The following THEMIS2 variants were observed in gnomAD, a reference collection of about 807,000 sequenced individuals.
THEMIS2 encodes the protein protein THEMIS2.
A neutral mutation model predicts 46.8 loss-of-function variants in THEMIS2; 29 were observed. That is an observed-to-expected ratio of 0.62 (90% CI 0.46 to 0.84). The LOEUF is 0.84. THEMIS2 is among the 40% of genes least tolerant of loss of function. The probability of loss-of-function intolerance (pLI) is 0.00; values close to 1 mark genes in which losing one functional copy is unlikely to be tolerated. For synonymous variants in THEMIS2, 335 were observed against 349.1 expected (o/e 0.96, Z 0.45); for missense variants, 698 against 834.7 (o/e 0.84, Z 2.02).
intron 2 of THEMIS2, among the ~76,000 whole-genome samples, chr1:27,878,123 A>C (rs1421562124): frequency 3.8e-5 from 2 of 53,152 alleles, no homozygotes; most frequent in Admixed American, 3.2e-4. Context: ...TCTGTCTCTC[A>C]AAAAAAAAAA....
rs2089717292 is a variant in THEMIS2, at chr1:27,883,290, A to G, written c.1719+247A>G. 5.3e-5 allele frequency: 28 copies of G among 530,448 alleles called. 1 individual carries two copies. The South Asian group carries it at 6.7e-4, about 13-fold the overall frequency. 32.9% of individuals were successfully genotyped at this position (530,448 alleles called of 1,614,324 possible). A position where few individuals can be genotyped will look rare whatever the true frequency, so the allele number is the denominator to read the frequency against. On this transcript the variant is annotated intron_variant, in intron 4 of 5. Transcript: ENST00000373921. ...GACTTGCCCAGGGTCCCTGTTAATA[A>G]GTGGGAGGACTGAACTTGGCCATGG...
chr1:27,884,574 C>T (rs2089737184), intron 4 of THEMIS2: 2 of 152,294 alleles, frequency 1.3e-5, no homozygotes, highest in South Asian at 2.1e-4. Context: ...GACCTTAGCC[C>T]GTGTCTTGGC....
At position 27,882,132 on chromosome 1, in the gene THEMIS2, G is replaced by C; in HGVS notation, c.808G>C (p.Glu270Gln). ...GTCCATGGAGATCCTGGAGGTTCCT[G>C]AGGGCCGCCCCATCTTCCTCAGCCC... ...PLSMEILEVP[E>Q]GRPIFLSPWV... Residue 270 changes from glutamate to glutamine, a missense_variant, in exon 4 of 6, where the codon GAG becomes CAG. By Grantham distance (29) the Glu-to-Gln change is conservative (BLOSUM62 2). Transcript: ENST00000373921. The surrounding 1 kb of genome is among the most constrained non-coding windows in gnomAD (Gnocchi z 7.6). 1 of 1,614,222 alleles carries C rather than the reference G, an allele frequency of 6.2e-7. No individual in the cohort carries two copies. The highest frequency in any genetic ancestry group is 1.1e-5 in the South Asian group (1 of 91,088).
chr1:27,885,175 C>T, intron 4 of THEMIS2, 120 bp from the exon 5 acceptor site: 12 of 1,073,100 alleles, frequency 1.1e-5, no homozygotes, highest in Non-Finnish European at 1.5e-5. Flanking sequence ...GAGGTCATAG[C>T]CTGAAAAGGA....
intron 1 of THEMIS2, among the ~76,000 whole-genome samples, chr1:27,875,099 C>G (rs558814610): frequency 2.6e-5 from 4 of 152,230 alleles, no homozygotes; most frequent in Admixed American, 2.0e-4. Context: ...CTGCCTCAGC[C>G]TCCTGAGTAG....
chr1:27,881,833 A>G, intron 3 of THEMIS2, 138 bp from the exon 4 acceptor site: 1 of 655,910 alleles, frequency 1.5e-6, no homozygotes, highest in South Asian at 2.2e-5. Context: ...CTCGAGTGAA[A>G]CTCCATCTCA....
At position 27,882,707 on chromosome 1, in the gene THEMIS2, C is replaced by T. The variant is rs376827259; in HGVS notation, c.1383C>T (p.Asp461=). 1 of 1,613,916 alleles carries T rather than the reference C, an allele frequency of 6.2e-7. No homozygotes were observed. Among genetic ancestry groups the T allele is most frequent in the African/African-American group, 1.3e-5 (1 of 74,858 alleles). The change falls in exon 4 of 6, where the codon GAC becomes GAT. Residue 461 remains aspartate (D), a synonymous_variant. Transcript: ENST00000373921. The surrounding 1 kb of genome is among the most constrained non-coding windows in gnomAD (Gnocchi z 7.6). ...LPCEVKVVAK[D]TSHPTDPLTS... The stretch of plus-strand genomic sequence containing the variant: ...GTGAGGTCAAGGTGGTGGCCAAGGA[C>T]ACCAGCCACCCCACTGACCCTCTGA...
In THEMIS2 at chr1:27,882,275, AG is replaced by A; in HGVS notation, c.956del (p.Gly319AlafsTer20). The A allele has an allele frequency of 6.2e-7, 1 of 1,607,340 alleles. No individual in the cohort carries two copies. The highest frequency in any genetic ancestry group is 8.5e-7 in the Non-Finnish European group (1 of 1,175,878). On this transcript the variant is annotated frameshift_variant, in exon 4 of 6. Coordinates refer to ENST00000373921, the MANE Select transcript of THEMIS2 (RefSeq NM_001105556.3). LOFTEE classifies it high-confidence loss of function. The surrounding 1 kb of genome is among the most constrained non-coding windows in gnomAD (Gnocchi z 7.6). Reference sequence around the variant, plus strand: ...AGGTGCCCAGGCACTTCCTGGTGTCAGGGGGCTACCAAGGCAAGCTGCGGCG... The same window carrying A: ...AGGTGCCCAGGCACTTCCTGGTGTCAGGGGCTACCAAGGCAAGCTGCGGCG... ...RKVPRHFLVS[G>X]GYQGKLRRRP... is the part of the protein sequence containing the mutation.
chr1:27,881,847 A>G (rs2089683712), intron 3 of THEMIS2, 124 bp from the exon 4 acceptor site: 9 of 739,402 alleles, frequency 1.2e-5, no homozygotes, highest in East Asian at 2.8e-5. Flanking sequence ...CATCTCAAAA[A>G]AAAAAAAAGA....
chr1:27,874,319 G>A (rs1018727221), intron 1 of THEMIS2, among the ~76,000 whole-genome samples: 4 of 152,072 alleles, frequency 2.6e-5, no homozygotes, highest in Admixed American at 2.0e-4. Context: ...ACAGGCATGA[G>A]CCACCACACC....
At chr1:27,880,076 AT>A in intron 3 of THEMIS2, 22 bp downstream of exon 3, 1 of 1,569,360 alleles carries the variant, frequency 6.4e-7, no homozygotes, top group Non-Finnish European at 8.7e-7. Context: ...GGGCAGATGG[AT>A]GCGCGCTGCT....
chr1:27,874,583 A>T (rs2089545822), intron 1 of THEMIS2, among the ~76,000 whole-genome samples: 1 of 151,922 alleles, frequency 6.6e-6, no homozygotes, highest in African/African-American at 2.4e-5. Context: ...GGGGTTCAAG[A>T]CCAACCTGGG....
intron 2 of THEMIS2, among the ~76,000 whole-genome samples, chr1:27,879,048 G>C (rs142380933): frequency 0.016 from 2,409 of 152,198 alleles, 34 homozygotes; most frequent in African/African-American, 0.038. Context: ...GGAAAAGCTT[G>C]CTTCCCAAAA....
At chr1:27,878,318 C>A (rs1028633836) in intron 2 of THEMIS2, among the ~76,000 whole-genome samples, 37 of 150,026 alleles carry the variant, frequency 2.5e-4, no homozygotes, top group Middle Eastern at 3.2e-3. Context: ...TTCTTTATTT[C>A]GAAGGCAATG....
Position 27,872,563 on chromosome 1 carries a change from G to T in THEMIS2, c.-9G>T. ...CCCCTCAGTCTGAGCCCAGAGAGCC[G>T]CGGGGACCATGGAGCCGGTGCCGCT... On this transcript the variant is annotated 5_prime_UTR_variant, in exon 1 of 6. Transcript: ENST00000373921. This position sits in a 1 kb window ranked among gnomAD's most constrained non-coding sequence, Gnocchi z 4.9. The T allele has an allele frequency of 4.7e-6, 7 of 1,485,290 alleles. No homozygotes were observed. Among genetic ancestry groups the T allele is most frequent in the Non-Finnish European group, 6.2e-6 (7 of 1,120,828 alleles). 92.0% of individuals were successfully genotyped at this position (1,485,290 alleles called of 1,614,324 possible). A position where few individuals can be genotyped will look rare whatever the true frequency, so the allele number is the denominator to read the frequency against.
At chr1:27,878,579 G>C (rs928366248) in intron 2 of THEMIS2, among the ~76,000 whole-genome samples, 1 of 50,266 alleles carries the variant, frequency 2.0e-5, no homozygotes, top group Non-Finnish European at 4.3e-5. Context: ...ACACACACAC[G>C]AATGTATTAC....
chr1:27,883,675 C>G (rs548937936), intron 4 of THEMIS2: 1 of 152,896 alleles, frequency 6.5e-6, no homozygotes, highest in South Asian at 2.1e-4. Context: ...TGCTCCAGAG[C>G]CCCACACCCA....
At chr1:27,874,033 G>GTTT (rs1256524975) in intron 1 of THEMIS2, among the ~76,000 whole-genome samples, 2 of 97,164 alleles carry the variant, frequency 2.1e-5, no homozygotes, top group Non-Finnish European at 3.6e-5. Context: ...TTCAACCTAG[G>GTTT]TTTTTTTTTT....
Position 27,880,079 on chromosome 1 carries a change from C to T in THEMIS2, c.646+25C>T, listed in dbSNP as rs767279671. ...AGTGAGTTGCCTGGGCAGATGGATG[C>T]GCGCTGCTGGGGGAGAGAAAGAGGG... On this transcript the variant is annotated intron_variant, in intron 3 of 5. Transcript: ENST00000373921. 2.1e-5 allele frequency: 32 copies of T among 1,560,734 alleles called. No homozygotes were observed. In the Middle Eastern group the frequency reaches 5.1e-4, roughly 25 times the overall value.
Sources: gnomAD v4.1 joint callset for allele counts (sites outside exome capture counted in the v4.1 genomes callset) on GRCh38, gnomAD v4.1.1 for gene constraint, Gnocchi (gnomAD v3.1) non-coding constraint, MANE v1.5 for transcripts, NCBI Gene and HGNC (gene_info 2026-07-23, HGNC 2026-07-21) for gene names.